ADK: variants seen among roughly 807,000 people sequenced by gnomAD.
ADK encodes the protein N6,N6-dimethyladenosine kinase.
A neutral mutation model predicts 44.7 loss-of-function variants in ADK; 24 were observed. The observed-to-expected ratio is 0.54, with a 90% CI of 0.39 to 0.76. The LOEUF (loss-of-function observed/expected upper bound fraction) is 0.76. Ranked by LOEUF, ADK falls within the 30% of genes least tolerant of loss-of-function variation. ADK has a pLI of 0.00. For missense variants in ADK, 321 were observed against 425.1 expected (o/e 0.76, Z 2.15); for synonymous variants, 128 against 142.6 (o/e 0.90, Z 0.73).
intron 7 of ADK, among the ~76,000 whole-genome samples, chr10:74,525,805 C>A (rs1589217206): frequency 6.6e-6 from 1 of 152,084 alleles, no homozygotes; most frequent in African/African-American, 2.4e-5. Context: ...TAGGCGCATG[C>A]CACCATGCCC....
chr10:74,237,727 C>T (rs1349916541), intron 3 of ADK, among the ~76,000 whole-genome samples: 3 of 152,122 alleles, frequency 2.0e-5, no homozygotes, highest in African/African-American at 7.2e-5. Flanking sequence ...TATTAGCAGC[C>T]ATGAAAACAG....
At chr10:74,222,027 A>C (rs796943224) in intron 2 of ADK, among the ~76,000 whole-genome samples, 8 of 152,228 alleles carry the variant, frequency 5.3e-5, no homozygotes, top group Middle Eastern at 3.4e-3. Context: ...GAATTAAACT[A>C]AAGAGCTTCT....
intron 9 of ADK, among the ~76,000 whole-genome samples, chr10:74,621,447 A>G (rs917961046): frequency 3.9e-5 from 6 of 152,152 alleles, no homozygotes; most frequent in African/African-American, 9.7e-5. Context: ...TTTTATGCCA[A>G]TAACATGCTG....
chr10:74,262,325 A>G (rs1240542731), intron 3 of ADK, among the ~76,000 whole-genome samples: 1 of 151,884 alleles, frequency 6.6e-6, no homozygotes, highest in Non-Finnish European at 1.5e-5. Context: ...AAAAAAAAAA[A>G]AAAAACAAAA....
chr10:74,298,942 G>A (rs1222040901), intron 3 of ADK, among the ~76,000 whole-genome samples: 1 of 151,964 alleles, frequency 6.6e-6, no homozygotes, highest in Non-Finnish European at 1.5e-5. Context: ...GTGAATTGAG[G>A]ACATTGGGTG....
intron 6 of ADK, among the ~76,000 whole-genome samples, chr10:74,430,094 A>G (rs929909326): frequency 1.3e-5 from 2 of 152,194 alleles, no homozygotes; most frequent in African/African-American, 4.8e-5. Flanking sequence ...TTTCACAGCT[A>G]AAAGTAGCAG....
chr10:74,587,157 G>A (rs1405554238), intron 7 of ADK, among the ~76,000 whole-genome samples: 1 of 151,996 alleles, frequency 6.6e-6, no homozygotes, highest in Admixed American at 6.6e-5. Flanking sequence ...TTTCATATAA[G>A]AATTTGCTTG....
intron 7 of ADK, among the ~76,000 whole-genome samples, chr10:74,559,019 G>A (rs907053597): frequency 3.9e-5 from 6 of 152,204 alleles, no homozygotes; most frequent in Admixed American, 6.5e-5. Flanking sequence ...TAGGTCCCAT[G>A]CATTCCCTGA....
chr10:74,194,263 G>A (rs924458872), intron 1 of ADK, among the ~76,000 whole-genome samples: 1 of 152,106 alleles, frequency 6.6e-6, no homozygotes, highest in African/African-American at 2.4e-5. Flanking sequence ...GAACAGTAAG[G>A]CATTATGATT....
chr10:74,564,616 A>G (rs559121593), intron 7 of ADK, among the ~76,000 whole-genome samples: 107 of 151,430 alleles, frequency 7.1e-4, no homozygotes, highest in African/African-American at 2.2e-3. Context: ...ATACAATACT[A>G]TAATACAGTC....
intron 1 of ADK, among the ~76,000 whole-genome samples, chr10:74,184,979 ATTTG>A (rs1211339980): frequency 1.3e-5 from 2 of 152,138 alleles, no homozygotes; most frequent in Non-Finnish European, 2.9e-5. Context: ...ATTAGGGATT[ATTTG>A]TTATCTTACT....
At chr10:74,376,427 G>C (rs1476955147) in intron 4 of ADK, among the ~76,000 whole-genome samples, 1 of 151,916 alleles carries the variant, frequency 6.6e-6, no homozygotes, top group East Asian at 1.9e-4. Flanking sequence ...CACAGAGAAA[G>C]AATAGTAGGT....
At chr10:74,170,799 C>CAAAAAAAAAAA in intron 1 of ADK, among the ~76,000 whole-genome samples, 1 of 52,868 alleles carries the variant, frequency 1.9e-5, no homozygotes, top group Non-Finnish European at 4.0e-5. Flanking sequence ...GACTCCATCT[C>CAAAAAAAAAAA]AAAAAAAAAA....
At chr10:74,306,565 T>C (rs1840254996) in intron 3 of ADK, among the ~76,000 whole-genome samples, 1 of 152,222 alleles carries the variant, frequency 6.6e-6, no homozygotes, top group African/African-American at 2.4e-5. Context: ...TTTATTATTA[T>C]TTACCAACAC....
intron 6 of ADK, among the ~76,000 whole-genome samples, chr10:74,493,011 C>T (rs1038600493): frequency 1.3e-5 from 2 of 152,126 alleles, no homozygotes; most frequent in Non-Finnish European, 2.9e-5. Flanking sequence ...ACAGTTATTA[C>T]TATGGAGATT....
At chr10:74,298,542 C>T (rs1479985708) in intron 3 of ADK, among the ~76,000 whole-genome samples, 1 of 152,084 alleles carries the variant, frequency 6.6e-6, no homozygotes, top group Non-Finnish European at 1.5e-5. Context: ...CACATGAGCC[C>T]AGGCGTTCAA....
At chr10:74,158,375 T>C (rs1344355870) in intron 1 of ADK, among the ~76,000 whole-genome samples, 1 of 152,236 alleles carries the variant, frequency 6.6e-6, no homozygotes, top group Admixed American at 6.5e-5. Flanking sequence ...ATTATGACTT[T>C]ATTGTAGGCT....
chr10:74,316,724 C>T (rs1416369317), intron 4 of ADK, among the ~76,000 whole-genome samples: 1 of 152,134 alleles, frequency 6.6e-6, no homozygotes, highest in Non-Finnish European at 1.5e-5. Flanking sequence ...TGAACTAATA[C>T]CGGGAGGCTA....
intron 9 of ADK, among the ~76,000 whole-genome samples, chr10:74,613,633 A>G (rs192888823): frequency 6.6e-6 from 1 of 152,218 alleles, no homozygotes; most frequent in East Asian, 1.9e-4. Context: ...CTCATCTGCT[A>G]GTTAAGTTTT....
Sources: allele counts gnomAD v4.1 joint callset (sites outside exome capture counted in the v4.1 genomes callset), GRCh38; gene constraint gnomAD v4.1.1; transcripts MANE v1.5; gene names NCBI Gene and HGNC (gene_info 2026-07-23, HGNC 2026-07-21).